MCOLN2: variants seen among roughly 807,000 people sequenced by gnomAD.
MCOLN2 encodes the protein mucolipin TRP cation channel 2, also known as mucolipin-2.
In MCOLN2, 57 loss-of-function variants were observed where a neutral mutation model predicts 67.5. The ratio of observed to expected loss-of-function variants is 0.84; its 90% CI spans 0.68 to 1.05. The LOEUF (loss-of-function observed/expected upper bound fraction) is 1.05. Among genes scored for constraint, MCOLN2 ranks in the 50% least tolerant of loss-of-function variants. The pLI is 0.00. For missense variants in MCOLN2, 620 were observed against 678.8 expected, an observed-to-expected ratio of 0.91 and a Z score of 0.96; for synonymous variants, 246 against 233.3, an observed-to-expected ratio of 1.05 and a Z score of -0.50.
chr1:84,968,277 G>A (rs1205842869), intron 1 of MCOLN2, among the ~76,000 whole-genome samples: 3 of 152,160 alleles, frequency 2.0e-5, no homozygotes, highest in Non-Finnish European at 2.9e-5. Context: ...AAACCTTTGA[G>A]CCTTACACCT....
intron 4 of MCOLN2, among the ~76,000 whole-genome samples, chr1:84,954,627 C>T (rs149719600): frequency 7.0e-4 from 107 of 152,280 alleles, no homozygotes; most frequent in African/African-American, 2.4e-3. Flanking sequence ...AAAGTTAATT[C>T]GACTTGTGCT....
At chr1:84,983,516 CCCTGGCCTCCCAAAGT>C (rs1206327726) in intron 1 of MCOLN2, among the ~76,000 whole-genome samples, 2 of 152,030 alleles carry the variant, frequency 1.3e-5, no homozygotes, top group Admixed American at 1.3e-4. Flanking sequence ...TGATCCTTCC[CCCTGGCCTCCCAAAGT>C]GCTAGGATTA....
intron 1 of MCOLN2, among the ~76,000 whole-genome samples, chr1:84,966,434 G>T (rs1649386119): frequency 6.6e-6 from 1 of 152,104 alleles, no homozygotes; most frequent in Admixed American, 6.5e-5. Flanking sequence ...AATTGTAAGT[G>T]AGTGAGTATA....
At chr1:84,927,779 C>T (rs1466007458) in intron 13 of MCOLN2, among the ~76,000 whole-genome samples, 1 of 152,174 alleles carries the variant, frequency 6.6e-6, no homozygotes, top group Non-Finnish European at 1.5e-5. Context: ...ATTCTTCTGT[C>T]CCTAGCTTTT....
intron 7 of MCOLN2, among the ~76,000 whole-genome samples, chr1:84,945,756 C>T (rs1648067479): frequency 6.6e-6 from 1 of 151,842 alleles, no homozygotes. Flanking sequence ...ATTTATTTTA[C>T]TTATTTTTGA....
intron 2 of MCOLN2, among the ~76,000 whole-genome samples, chr1:84,961,215 T>C (rs1275854201): frequency 1.3e-5 from 2 of 152,212 alleles, no homozygotes; most frequent in Non-Finnish European, 2.9e-5. Context: ...TTCTAGAGTC[T>C]GTTTGTTCTC....
At chr1:84,995,112 C>T (rs1253788219) in intron 1 of MCOLN2, among the ~76,000 whole-genome samples, 1 of 152,124 alleles carries the variant, frequency 6.6e-6, no homozygotes, top group Non-Finnish European at 1.5e-5. Context: ...TATATGGGCA[C>T]AGTTCATGGC....
chr1:84,991,313 C>A (rs1650880740), intron 1 of MCOLN2, among the ~76,000 whole-genome samples: 1 of 152,122 alleles, frequency 6.6e-6, no homozygotes, highest in South Asian at 2.1e-4. Context: ...ATACCAGGGG[C>A]AGTTCAACAG....
chr1:84,943,876 C>A (rs1243690521), intron 7 of MCOLN2, among the ~76,000 whole-genome samples: 1 of 152,194 alleles, frequency 6.6e-6, no homozygotes, highest in East Asian at 1.9e-4. Flanking sequence ...GCCATTTACA[C>A]TCAAGAAAGT....
chr1:84,941,093 G>T, intron 7 of MCOLN2, 102 bp from the exon 8 acceptor site: 3 of 719,260 alleles, frequency 4.2e-6, no homozygotes, highest in East Asian at 2.8e-5. Context: ...TAAATGTTTT[G>T]TCTATTGTTA....
At position 84,931,486 on chromosome 1, in the gene MCOLN2, T is replaced by C. The variant is rs762802077; in HGVS notation, c.1418A>G (p.Gln473Arg). Residue 473 changes from glutamine (Q) to arginine (R), a missense_variant, in exon 12 of 14, where the codon CAG (glutamine) becomes CGG (arginine). Gln to Arg is a conservative substitution (Grantham distance 43, BLOSUM62 1). Transcript: ENST00000370608. ...DDMFATFAQI[Q>R]QKSILVWLFS... ...CAGCCACACCAAGATGCTCTTCTGC[T>C]GGATTTGGGCAAAGGTTGCAAACAT... 1.2e-6 allele frequency: 2 copies of C among 1,614,050 alleles called. No individual in the cohort carries two copies. The highest frequency in any genetic ancestry group is 2.2e-5 in the South Asian group (2 of 91,076).
At chr1:84,991,063 C>A (rs375888412) in intron 1 of MCOLN2, among the ~76,000 whole-genome samples, 65 of 152,046 alleles carry the variant, frequency 4.3e-4, no homozygotes, top group African/African-American at 1.4e-3. Flanking sequence ...TCTTAATTTT[C>A]TTCATTAAGT....
At chr1:84,967,424 G>A (rs998740973) in intron 1 of MCOLN2, among the ~76,000 whole-genome samples, 2 of 152,162 alleles carry the variant, frequency 1.3e-5, no homozygotes, top group African/African-American at 2.4e-5. Context: ...TTTTATACTT[G>A]TGGGTCATTT....
chr1:84,942,048 T>C (rs571349728), intron 7 of MCOLN2, among the ~76,000 whole-genome samples: 5 of 152,328 alleles, frequency 3.3e-5, no homozygotes, highest in Admixed American at 3.3e-4. Context: ...CTCAGGGACT[T>C]TGCACATGCT....
chr1:84,940,671 A>C (rs2102815825), intron 8 of MCOLN2, among the ~76,000 whole-genome samples: 1 of 152,332 alleles, frequency 6.6e-6, no homozygotes, highest in East Asian at 1.9e-4. Flanking sequence ...CAGGATAATT[A>C]TCTGATCCCA....
intron 1 of MCOLN2, among the ~76,000 whole-genome samples, chr1:84,977,407 T>C (rs982156382): frequency 1.3e-5 from 2 of 151,938 alleles, no homozygotes; most frequent in African/African-American, 2.4e-5. Context: ...ATAACATTGA[T>C]GTAAATGGAC....
chr1:84,954,226 T>C (rs1355862506), intron 4 of MCOLN2, among the ~76,000 whole-genome samples: 1 of 152,212 alleles, frequency 6.6e-6, no homozygotes. Flanking sequence ...GGCCCAGAGC[T>C]AAACAGACAA....
intron 12 of MCOLN2, 117 bp from the exon 13 acceptor site, chr1:84,929,796 T>C: frequency 2.2e-6 from 2 of 916,224 alleles, no homozygotes; most frequent in Non-Finnish European, 3.2e-6. Flanking sequence ...CTAGCTCAGA[T>C]CCAAGAACTG....
chr1:84,943,774 T>C (rs1413606077), intron 7 of MCOLN2, among the ~76,000 whole-genome samples: 1 of 152,186 alleles, frequency 6.6e-6, no homozygotes, highest in Non-Finnish European at 1.5e-5. Context: ...AGCGTACTGG[T>C]TCCTGAGGCT....
Sources: allele counts gnomAD v4.1 joint callset (sites outside exome capture counted in the v4.1 genomes callset), GRCh38; gene constraint gnomAD v4.1.1; transcripts MANE v1.5; gene names NCBI Gene and HGNC (gene_info 2026-07-23, HGNC 2026-07-21).